SKAP2: variants seen among roughly 807,000 people sequenced by gnomAD.
The protein encoded by SKAP2 is src kinase associated phosphoprotein 2, also known as src kinase-associated phosphoprotein 2.
Under a neutral mutation model 54.9 loss-of-function variants are expected in SKAP2, and 28 were observed. That is an observed-to-expected ratio of 0.51 (90% CI 0.38 to 0.70). The LOEUF (loss-of-function observed/expected upper bound fraction) is 0.70. Among genes scored for constraint, SKAP2 ranks in the 30% least tolerant of loss-of-function variants. The pLI is 0.00. For missense variants in SKAP2, 356 were observed against 424.1 expected, an observed-to-expected ratio of 0.84 and a Z score of 1.41; for synonymous variants, 137 against 134.3, an observed-to-expected ratio of 1.02 and a Z score of -0.14.
intron 4 of SKAP2, among the ~76,000 whole-genome samples, chr7:26,792,521 G>T (rs1218913596): frequency 3.3e-5 from 5 of 151,958 alleles, no homozygotes; most frequent in African/African-American, 1.2e-4. Flanking sequence ...ACTTTTATTT[G>T]AAAAATAAGA....
chr7:26,742,287 T>C (rs191989735), intron 4 of SKAP2: 1 of 152,136 alleles, frequency 6.6e-6, no homozygotes, highest in South Asian at 2.1e-4. Flanking sequence ...ACATAAGGAA[T>C]GGATGCTCAC....
chr7:26,698,789 T>A (rs1395829746), intron 9 of SKAP2, among the ~76,000 whole-genome samples: 1 of 152,210 alleles, frequency 6.6e-6, no homozygotes, highest in Non-Finnish European at 1.5e-5. Context: ...AATAAGCTTG[T>A]CATTTCAAGG....
intron 4 of SKAP2, among the ~76,000 whole-genome samples, chr7:26,835,099 T>C (rs982008279): frequency 3.3e-5 from 5 of 152,088 alleles, no homozygotes; most frequent in African/African-American, 1.2e-4. Flanking sequence ...AAAAACCACA[T>C]GATTATCTCA....
At chr7:26,790,903 A>T (rs1052190856) in intron 4 of SKAP2, among the ~76,000 whole-genome samples, 12 of 152,234 alleles carry the variant, frequency 7.9e-5, no homozygotes, top group African/African-American at 2.9e-4. Context: ...TATGCCTAAG[A>T]CACCAGAGGA....
intron 4 of SKAP2, among the ~76,000 whole-genome samples, chr7:26,837,692 A>T (rs1015808587): frequency 6.6e-6 from 1 of 152,186 alleles, no homozygotes; most frequent in African/African-American, 2.4e-5. Context: ...AAACTATATT[A>T]GGTGGAGACA....
downstream of SKAP2, among the ~76,000 whole-genome samples, chr7:26,666,566 GAAACA>G (rs745888404): frequency 2.1e-4 from 32 of 152,118 alleles, no homozygotes; most frequent in Non-Finnish European, 2.6e-4. Context: ...AGCAAAAAGT[GAAACA>G]AAACAAAACA....
At chr7:26,837,879 G>A (rs1784746638) in intron 4 of SKAP2, among the ~76,000 whole-genome samples, 2 of 149,798 alleles carry the variant, frequency 1.3e-5, no homozygotes, top group African/African-American at 4.8e-5. Context: ...TGCTAGCTGG[G>A]GAAGAGGGAA....
intron 10 of SKAP2, among the ~76,000 whole-genome samples, chr7:26,687,872 G>A (rs1355153396): frequency 6.6e-6 from 1 of 151,910 alleles, no homozygotes. Context: ...ATGTTTAGTT[G>A]GCTTTACTAC....
chr7:26,738,422 A>G (rs1782351980), intron 6 of SKAP2, among the ~76,000 whole-genome samples: 1 of 152,188 alleles, frequency 6.6e-6, no homozygotes, highest in African/African-American at 2.4e-5. Flanking sequence ...ATTTTATTTT[A>G]AAATATTTAA....
chr7:26,824,961 A>C (rs1784457788), intron 4 of SKAP2, among the ~76,000 whole-genome samples: 1 of 151,852 alleles, frequency 6.6e-6, no homozygotes, highest in Non-Finnish European at 1.5e-5. Context: ...TATTAAATAT[A>C]CTCTTGTGGT....
Position 26,738,892 on chromosome 7 carries a change from G to A in SKAP2, c.386-14C>T. 6.6e-7 allele frequency: 1 copy of A among 1,521,010 alleles called. No homozygotes were observed. The highest frequency in any genetic ancestry group is 9.1e-7 in the Non-Finnish European group (1 of 1,096,166). The allele number at this position is 1,521,010 out of a possible 1,614,324, so 94.2% of individuals were successfully genotyped here. A position where few individuals can be genotyped will look rare whatever the true frequency, so the allele number is the denominator to read the frequency against. Reference sequence around the variant, plus strand: ...GAAAGCTGTGATCTGCAATAAAGAGGGGAAAATGTAAGGCCATTTCCTTAC... The same window carrying A: ...GAAAGCTGTGATCTGCAATAAAGAGAGGAAAATGTAAGGCCATTTCCTTAC... On this transcript the variant is annotated splice_polypyrimidine_tract_variant and intron_variant, in intron 5 of 12. Coordinates refer to ENST00000345317, the MANE Select transcript of SKAP2 (RefSeq NM_003930.5).
chr7:26,766,247 T>C (rs1239925828), intron 4 of SKAP2, among the ~76,000 whole-genome samples: 1 of 152,212 alleles, frequency 6.6e-6, no homozygotes, highest in South Asian at 2.1e-4. Context: ...TGAATGGAAG[T>C]TCACTCATGA....
At chr7:26,655,439 G>A in the SKAP2 span, among the ~76,000 whole-genome samples, 1 of 152,100 alleles carries the variant, frequency 6.6e-6, no homozygotes, top group African/African-American at 2.4e-5. Flanking sequence ...TGTCATTCAG[G>A]AATATATTTC....
chr7:26,811,766 T>G (rs1338972668), intron 4 of SKAP2, among the ~76,000 whole-genome samples: 12 of 152,290 alleles, frequency 7.9e-5, no homozygotes, highest in African/African-American at 2.6e-4. Context: ...TAGTAGTAAA[T>G]GCCATCTAAT....
At chr7:26,720,413 CAA>C (rs1257184446) in intron 9 of SKAP2, among the ~76,000 whole-genome samples, 1 of 152,038 alleles carries the variant, frequency 6.6e-6, no homozygotes, top group African/African-American at 2.4e-5. Context: ...AAATATTCAG[CAA>C]AGACACATTT....
intron 4 of SKAP2, among the ~76,000 whole-genome samples, chr7:26,770,574 C>T (rs1243347985): frequency 6.6e-6 from 1 of 152,154 alleles, no homozygotes; most frequent in African/African-American, 2.4e-5. Context: ...AAACCCAGGG[C>T]CCTGGTGGCA....
chr7:26,861,572 A>G (rs1785271793), intron 1 of SKAP2, among the ~76,000 whole-genome samples: 1 of 151,466 alleles, frequency 6.6e-6, no homozygotes, highest in South Asian at 2.1e-4. Context: ...CACTTTTTCA[A>G]TGGTATCTTT....
At position 26,667,552 on chromosome 7, in the gene SKAP2, C is replaced by T. The variant is rs553973316; in HGVS notation, c.*2114G>A. On this transcript the variant is annotated 3_prime_UTR_variant, in exon 13 of 13. Transcript: ENST00000345317. ...TAAAAGAACAAAGGCCGGTGGAGAT[C>T]TGAACAGAAATAACACCTTATTTCT... is the stretch of plus-strand genomic sequence containing the variant. 3.9e-5 allele frequency: 6 copies of T among 152,678 alleles called. No homozygotes were observed. Among genetic ancestry groups the T allele is most frequent in the South Asian group, 4.1e-4 (2 of 4,826 alleles). 9.5% of individuals were successfully genotyped at this position (152,678 alleles called of 1,614,324 possible). A position where few individuals can be genotyped will look rare whatever the true frequency, so the allele number is the denominator to read the frequency against.
intron 9 of SKAP2, among the ~76,000 whole-genome samples, chr7:26,713,961 G>A (rs763590975): frequency 1.3e-5 from 2 of 152,190 alleles, no homozygotes; most frequent in African/African-American, 2.4e-5. Context: ...GGGCAAAGGT[G>A]GAGACAGTTT....
Sources: gnomAD v4.1 joint callset for allele counts (sites outside exome capture counted in the v4.1 genomes callset) on GRCh38, gnomAD v4.1.1 for gene constraint, MANE v1.5 for transcripts, NCBI Gene and HGNC (gene_info 2026-07-23, HGNC 2026-07-21) for gene names.